The following KLF12 variants were observed in gnomAD, a reference collection of about 807,000 sequenced individuals.
KLF12 encodes the protein Krueppel-like factor 12.
In KLF12, 9 loss-of-function variants were observed where a neutral mutation model predicts 37.8. That is an observed-to-expected ratio of 0.24 (90% CI 0.14 to 0.42). The LOEUF (loss-of-function observed/expected upper bound fraction) is 0.42, where lower values mean the gene tolerates loss of function less well. Among genes scored for constraint, KLF12 ranks in the 10% least tolerant of loss-of-function variants. KLF12 has a pLI of 1.00. For missense variants in KLF12, 411 were observed against 516.0 expected, an observed-to-expected ratio of 0.80 and a Z score of 1.97; for synonymous variants, 208 against 202.1, an observed-to-expected ratio of 1.03 and a Z score of -0.25.
intron 3 of KLF12, among the ~76,000 whole-genome samples, chr13:73,882,056 C>A (rs191933822): frequency 1.7e-4 from 26 of 152,186 alleles, no homozygotes; most frequent in Non-Finnish European, 5.9e-5. Flanking sequence ...TCTATTAGCT[C>A]GCTTAATATT....
At chr13:73,903,886 C>A (rs1027323691) in intron 3 of KLF12, among the ~76,000 whole-genome samples, 3 of 152,092 alleles carry the variant, frequency 2.0e-5, no homozygotes, top group Admixed American at 1.3e-4. Flanking sequence ...ATGGTCCTTC[C>A]GATGATGTGA....
At chr13:73,749,702 A>C (rs1878616005) in intron 6 of KLF12, among the ~76,000 whole-genome samples, 1 of 152,214 alleles carries the variant, frequency 6.6e-6, no homozygotes, top group Non-Finnish European at 1.5e-5. Flanking sequence ...CCAAAAACGT[A>C]AAAATCAGGT....
intron 3 of KLF12, among the ~76,000 whole-genome samples, chr13:73,902,121 A>T (rs1888068545): frequency 6.6e-6 from 1 of 152,220 alleles, no homozygotes; most frequent in East Asian, 1.9e-4. Context: ...AAGATAATTT[A>T]AAAAGGAAAA....
rs140889631 is a variant in KLF12 at position 74,070,538 on chromosome 13, C to T, written c.-32+63201G>A. 3.3e-3 allele frequency among the ~76,000 whole-genome samples: 498 copies of T among 152,296 alleles called. 2 individuals carry two copies. Among genetic ancestry groups the T allele is most frequent in the Non-Finnish European group, 5.7e-3 (385 of 68,022 alleles). On this transcript the variant is annotated intron_variant, in intron 1 of 7. Transcript: ENST00000377669. The stretch of plus-strand genomic sequence containing the variant: ...AAGATACAACTTTAGAGACTGGACC[C>T]TGCCAGCAACAGCCACCATCCAAAA...
chr13:74,300,459 G>A, the KLF12 span, among the ~76,000 whole-genome samples: 2 of 152,132 alleles, frequency 1.3e-5, no homozygotes, highest in Non-Finnish European at 1.5e-5. Context: ...GGACAAAGCT[G>A]TAAAATTCAT....
chr13:74,178,286 G>T, the KLF12 span, among the ~76,000 whole-genome samples: 1 of 152,190 alleles, frequency 6.6e-6, no homozygotes, highest in African/African-American at 2.4e-5. Flanking sequence ...GCTTCATCAT[G>T]TTGTCCCCTG....
intron 6 of KLF12, among the ~76,000 whole-genome samples, chr13:73,759,860 T>C (rs1441531060): frequency 6.6e-6 from 1 of 152,132 alleles, no homozygotes; most frequent in African/African-American, 2.4e-5. Flanking sequence ...TTCTGAGAGA[T>C]TTCCAATATC....
the KLF12 span, among the ~76,000 whole-genome samples, chr13:74,179,149 C>A: frequency 4.6e-5 from 7 of 152,198 alleles, no homozygotes; most frequent in Admixed American, 3.3e-4. Flanking sequence ...TCAGGCTCCT[C>A]CTGCCAAAGG....
chr13:73,957,851 C>T (rs1446487969), intron 2 of KLF12, among the ~76,000 whole-genome samples: 9 of 152,130 alleles, frequency 5.9e-5, no homozygotes, highest in Admixed American at 5.9e-4. Flanking sequence ...GGGAAGGGTG[C>T]TCTTTATAAA....
the KLF12 span, among the ~76,000 whole-genome samples, chr13:74,198,740 C>T: frequency 5.9e-5 from 9 of 152,248 alleles, no homozygotes; most frequent in Admixed American, 2.0e-4. Flanking sequence ...TTATCCTAGA[C>T]GATGTCTTAC....
At chr13:73,805,946 A>C (rs1882587418) in intron 5 of KLF12, among the ~76,000 whole-genome samples, 1 of 151,880 alleles carries the variant, frequency 6.6e-6, no homozygotes, top group South Asian at 2.1e-4. Context: ...CCGGGATTAC[A>C]GGTGCCCACC....
intron 1 of KLF12, among the ~76,000 whole-genome samples, chr13:74,027,467 C>T (rs2138461686): frequency 6.6e-6 from 1 of 152,208 alleles, no homozygotes; most frequent in African/African-American, 2.4e-5. Flanking sequence ...TTTTAAAATA[C>T]TAGGGTCTGT....
Position 73,835,300 on chromosome 13 carries a change from G to A in KLF12, c.670+10527C>T, listed in dbSNP as rs371907444. Among the ~76,000 whole-genome samples, 10 of 152,144 alleles carry A rather than the reference G, an allele frequency of 6.6e-5. No individual in the cohort carries two copies. The East Asian group carries it at 1.5e-3, about 23-fold the overall frequency. On this transcript the variant is annotated intron_variant, in intron 4 of 7. Transcript: ENST00000377669. ...AATAACTAGATTACCTAGAGTTCTC[G>A]TGTCTTTCAGTTCATGTCATTTTAA...
At chr13:73,805,631 AG>A (rs1446537201) in intron 5 of KLF12, among the ~76,000 whole-genome samples, 1 of 21,936 alleles carries the variant, frequency 4.6e-5, no homozygotes, top group Non-Finnish European at 7.3e-5. Flanking sequence ...GGAGGGAGGG[AG>A]GGAGGGAGGG....
the KLF12 span, among the ~76,000 whole-genome samples, chr13:74,154,732 T>G: frequency 6.6e-6 from 1 of 152,064 alleles, no homozygotes; most frequent in Non-Finnish European, 1.5e-5. Context: ...CATGACAGAG[T>G]CTGGGTCAAG....
chr13:74,029,934 G>C (rs886660145), intron 1 of KLF12, among the ~76,000 whole-genome samples: 4 of 152,066 alleles, frequency 2.6e-5, no homozygotes, highest in Non-Finnish European at 4.4e-5. Flanking sequence ...TGAGGCCACA[G>C]GAAGAGCCTG....
At chr13:73,750,773 C>CT (rs1555300870) in intron 6 of KLF12, among the ~76,000 whole-genome samples, 3 of 152,042 alleles carry the variant, frequency 2.0e-5, no homozygotes, top group Non-Finnish European at 4.4e-5. Flanking sequence ...TATTTTTTTC[C>CT]TGATGCAGAA....
At chr13:73,934,282 C>A (rs1889822949) in intron 3 of KLF12, among the ~76,000 whole-genome samples, 1 of 152,092 alleles carries the variant, frequency 6.6e-6, no homozygotes, top group South Asian at 2.1e-4. Context: ...GACTTACTGA[C>A]CTACCTTCAA....
At chr13:73,780,690 G>C (rs1880911481) in intron 5 of KLF12, among the ~76,000 whole-genome samples, 1 of 152,244 alleles carries the variant, frequency 6.6e-6, no homozygotes, top group Non-Finnish European at 1.5e-5. Flanking sequence ...TCAACCTCCC[G>C]ACCTCTGGTG....
Sources: gnomAD v4.1 joint callset for allele counts (sites outside exome capture counted in the v4.1 genomes callset) on GRCh38, gnomAD v4.1.1 for gene constraint, MANE v1.5 for transcripts, NCBI Gene and HGNC (gene_info 2026-07-23, HGNC 2026-07-21) for gene names.